The following TGM7 variants were observed in gnomAD, a reference collection of about 807,000 sequenced individuals.
TGM7 encodes protein-glutamine gamma-glutamyltransferase Z.
In TGM7, 74 loss-of-function variants were observed where a neutral mutation model predicts 79.5. The ratio of observed to expected loss-of-function variants is 0.93; its 90% CI spans 0.77 to 1.13. The LOEUF (loss-of-function observed/expected upper bound fraction) is 1.13, where lower values mean the gene tolerates loss of function less well. Ranked by LOEUF, TGM7 falls within the 50% of genes most tolerant of loss-of-function variation. The pLI is 0.00. For synonymous variants in TGM7, 354 were observed against 362.5 expected, an observed-to-expected ratio of 0.98 and a Z score of 0.27; for missense variants, 912 against 905.9, an observed-to-expected ratio of 1.01 and a Z score of -0.09.
chr15:43,289,800 TTC>T (rs1380925070), intron 4 of TGM7, among the ~76,000 whole-genome samples: 1 of 152,238 alleles, frequency 6.6e-6, no homozygotes, highest in Non-Finnish European at 1.5e-5. Context: ...TGATTTGCAT[TTC>T]TCTGATGGCC....
Position 43,292,819 on chromosome 15 carries a change from T to C in TGM7, c.329A>G (p.Asn110Ser). ...SLQVSLFTPA[N>S]AVIGHYTLKI... is the part of the protein sequence containing the mutation. ...CAGAGTGTAATGGCCAATAACTGCATTGGCTGGTGTGAAAAGGGAAACTTG... is the reference window on the plus strand; with the variant it reads ...CAGAGTGTAATGGCCAATAACTGCACTGGCTGGTGTGAAAAGGGAAACTTG... The change falls in exon 3 of 13, where the codon AAT (asparagine) becomes AGT (serine). Residue 110 changes from asparagine to serine, a missense_variant. Physicochemically the swap from Asn to Ser is conservative, Grantham distance 46. Transcript: ENST00000452443. 2 of 1,614,148 alleles carry C rather than the reference T, an allele frequency of 1.2e-6. No homozygotes were observed. The highest frequency in any genetic ancestry group is 1.1e-5 in the South Asian group (1 of 91,082).
intron 1 of TGM7, 115 bp from the exon 2 acceptor site, chr15:43,293,746 G>GA: frequency 1.2e-5 from 1 of 83,678 alleles, no homozygotes; most frequent in Admixed American, 1.2e-4. Context: ...CGTGCGGGGG[G>GA]TAGGTGGGGC....
chr15:43,276,373 G>T lies in TGM7; in HGVS notation c.*82C>A. On this transcript the variant is annotated 3_prime_UTR_variant, in exon 13 of 13. Transcript: ENST00000452443. ...CAGGCAGGCTAGAGAGAGGACAGAG[G>T]TGGAGCCAAGACGACATAGCCAGGA... is the stretch of plus-strand genomic sequence containing the variant. 6.7e-7 allele frequency: 1 copy of T among 1,499,458 alleles called. No individual in the cohort carries two copies. The highest frequency in any genetic ancestry group is 9.0e-7 in the Non-Finnish European group (1 of 1,110,826). 92.9% of individuals were successfully genotyped at this position (1,499,458 alleles called of 1,614,324 possible).
intron 1 of TGM7, among the ~76,000 whole-genome samples, chr15:43,297,486 A>G (rs62019414): frequency 1.4e-5 from 2 of 147,666 alleles, no homozygotes; most frequent in East Asian, 3.9e-4. Context: ...AAAGAGAGAA[A>G]GAGAAAGAAA....
intron 8 of TGM7, 103 bp downstream of exon 8, chr15:43,282,414 G>T: frequency 2.0e-6 from 2 of 987,018 alleles, no homozygotes; most frequent in Non-Finnish European, 3.1e-6. Context: ...GGAAGAGGGT[G>T]CCGTGGAAAA....
rs1261996004 is a variant in TGM7, at chr15:43,281,968, A to G, written c.1227T>C (p.Leu409=). 6.2e-7 allele frequency: 1 copy of G among 1,614,216 alleles called. No homozygotes were observed. Among genetic ancestry groups the G allele is most frequent in the Non-Finnish European group, 8.5e-7 (1 of 1,180,022 alleles). Residue 409 remains leucine (L), a synonymous_variant, in exon 9 of 13, where the codon CTT becomes CTC. Transcript: ENST00000452443. ...EVNADEVIWL[L]GDGQAQEILA... ...GGATTTCCTGGGCCTGGCCATCCCC[A>G]AGGAGCCAAATGACTTCATCGGCGT...
At position 43,296,367 on chromosome 15, in the gene TGM7, G is replaced by A. The variant is rs142962264; in HGVS notation, c.11-2736C>T. The stretch of plus-strand genomic sequence containing the variant: ...GTGAACCCGGGAGGCAGAGGTTGCA[G>A]TGAGCCGAGGTCACACCACTGCACT... On this transcript the variant is annotated intron_variant, in intron 1 of 12. Transcript: ENST00000452443. Among the ~76,000 whole-genome samples, 1,135 of 149,058 alleles carry A rather than the reference G, an allele frequency of 7.6e-3. 25 individuals carry two copies. Among genetic ancestry groups the A allele is most frequent in the East Asian group, 0.056 (283 of 5,028 alleles).
Position 43,281,824 on chromosome 15 carries a change from C to T in TGM7, c.1351+20G>A, listed in dbSNP as rs752854411. 1 of 1,609,816 alleles carries T rather than the reference C, an allele frequency of 6.2e-7. No individual in the cohort carries two copies. On this transcript the variant is annotated intron_variant, in intron 9 of 12. Coordinates refer to ENST00000452443, the MANE Select transcript of TGM7 (RefSeq NM_052955.3). ...CAAAGAAGCTTAAAGCAGCCCTTTC[C>T]CCAAATACCCGCCCAGCACCTTCTG...
intron 1 of TGM7, 124 bp downstream of exon 1, chr15:43,302,117 C>A: frequency 8.7e-7 from 1 of 1,151,786 alleles, no homozygotes; most frequent in Non-Finnish European, 1.3e-6. Flanking sequence ...CCGTATTGCA[C>A]AATGAACTAC....
At chr15:43,278,000 C>CCA (rs976935775) in intron 11 of TGM7, among the ~76,000 whole-genome samples, 6 of 152,258 alleles carry the variant, frequency 3.9e-5, no homozygotes, top group African/African-American at 1.4e-4. Context: ...AGGGCCCTGG[C>CCA]CACAGCCCCA....
intron 1 of TGM7, among the ~76,000 whole-genome samples, chr15:43,294,060 C>T (rs578206035): frequency 1.2e-4 from 19 of 152,186 alleles, no homozygotes; most frequent in Non-Finnish European, 2.4e-4. Flanking sequence ...CCCTGAAGTG[C>T]CGCTGCATGC....
At chr15:43,281,123 G>A (rs2142403745) in intron 9 of TGM7, among the ~76,000 whole-genome samples, 1 of 152,322 alleles carries the variant, frequency 6.6e-6, no homozygotes, top group East Asian at 1.9e-4. Context: ...CATTCCACAG[G>A]CACTGTTCCC....
intron 1 of TGM7, among the ~76,000 whole-genome samples, chr15:43,299,399 C>A (rs2043015676): frequency 6.6e-6 from 1 of 152,188 alleles, no homozygotes; most frequent in Admixed American, 6.5e-5. Context: ...AAGGACCACC[C>A]TATGTGTGCA....
Position 43,292,842 on chromosome 15 carries a change from T to C in TGM7, c.306A>G (p.Gln102=), listed in dbSNP as rs773081791. 6.2e-7 allele frequency: 1 copy of C among 1,614,020 alleles called. No individual in the cohort carries two copies. The highest frequency in any genetic ancestry group is 1.1e-5 in the South Asian group (1 of 91,072). ...SDFTIDSNSL[Q]VSLFTPANAV... ...CATTGGCTGGTGTGAAAAGGGAAAC[T>C]TGGAGAGAGTTGGAGTCAATGGTGA... The change falls in exon 3 of 13, where the codon CAA becomes CAG. Residue 102 remains glutamine, a synonymous_variant. Transcript: ENST00000452443.
chr15:43,294,915 T>C (rs1482571066), intron 1 of TGM7, among the ~76,000 whole-genome samples: 4 of 152,168 alleles, frequency 2.6e-5, no homozygotes, highest in Non-Finnish European at 5.9e-5. Flanking sequence ...TTTTTTTTTT[T>C]GGAGACAGGG....
chr15:43,277,557 G>C (rs1232019417), intron 11 of TGM7, among the ~76,000 whole-genome samples: 1 of 152,196 alleles, frequency 6.6e-6, no homozygotes, highest in Non-Finnish European at 1.5e-5. Context: ...CCACGCTGCT[G>C]TGTCTTCATA....
chr15:43,279,584 C>T, intron 10 of TGM7, 41 bp downstream of exon 10: 2 of 1,529,602 alleles, frequency 1.3e-6, no homozygotes, highest in Non-Finnish European at 1.8e-6. Context: ...CCCACAGCTC[C>T]CCTCCCTGTA....
intron 7 of TGM7, among the ~76,000 whole-genome samples, chr15:43,283,990 C>T (rs527243103): frequency 6.6e-6 from 1 of 152,278 alleles, no homozygotes; most frequent in Non-Finnish European, 1.5e-5. Flanking sequence ...AGTGGATCAT[C>T]TGAGGTCAAG....
intron 12 of TGM7, 54 bp from the exon 13 acceptor site, chr15:43,276,668 G>T: frequency 1.9e-6 from 3 of 1,579,756 alleles, no homozygotes; most frequent in Non-Finnish European, 2.6e-6. Flanking sequence ...CTGGCGGCAG[G>T]GGTGATCTGG....
Sources: gnomAD v4.1 joint callset for allele counts (sites outside exome capture counted in the v4.1 genomes callset) on GRCh38, gnomAD v4.1.1 for gene constraint, MANE v1.5 for transcripts, NCBI Gene and HGNC (gene_info 2026-07-23, HGNC 2026-07-21) for gene names.